Variants in UNC13C observed in about 807,000 individuals in gnomAD.
UNC13C encodes the protein protein unc-13 homolog C.
In UNC13C, 174 loss-of-function variants were observed where a neutral mutation model predicts 245.4. The ratio of observed to expected loss-of-function variants is 0.71; its 90% CI spans 0.63 to 0.80. The LOEUF (loss-of-function observed/expected upper bound fraction) is 0.80. Ranked by LOEUF, UNC13C falls within the 30% of genes least tolerant of loss-of-function variation. UNC13C has a pLI of 0.00. For synonymous variants in UNC13C, 992 were observed against 895.1 expected, an observed-to-expected ratio of 1.11 and a Z score of -1.93; for missense variants, 2,829 against 2,602.9, an observed-to-expected ratio of 1.09 and a Z score of -1.89.
At chr15:54,221,491 A>T (rs1001428591) in intron 4 of UNC13C, among the ~76,000 whole-genome samples, 24 of 151,802 alleles carry the variant, frequency 1.6e-4, no homozygotes, top group African/African-American at 5.8e-4. Flanking sequence ...TATATATATA[A>T]AATACATAAC....
intron 19 of UNC13C, among the ~76,000 whole-genome samples, chr15:54,448,071 T>A (rs1049292975): frequency 6.6e-6 from 1 of 152,200 alleles, no homozygotes; most frequent in Non-Finnish European, 1.5e-5. Context: ...AGTTTCCATG[T>A]AGTTGAGCGG....
At chr15:53,995,709 T>G (rs1235615947) in intron 1 of UNC13C, among the ~76,000 whole-genome samples, 1 of 152,054 alleles carries the variant, frequency 6.6e-6, no homozygotes, top group Non-Finnish European at 1.5e-5. Context: ...GTCGTGGAAG[T>G]AAATAGACTG....
At chr15:53,949,624 A>C in the UNC13C span, among the ~76,000 whole-genome samples, 1 of 152,150 alleles carries the variant, frequency 6.6e-6, no homozygotes, top group East Asian at 1.9e-4. Flanking sequence ...AACTATGAGC[A>C]CACCAGGACT....
At chr15:54,188,921 T>TA (rs1174184237) in intron 4 of UNC13C, among the ~76,000 whole-genome samples, 1 of 152,198 alleles carries the variant, frequency 6.6e-6, no homozygotes, top group East Asian at 1.9e-4. Context: ...CTTCCATTGT[T>TA]ACCGTTTCCA....
intron 13 of UNC13C, among the ~76,000 whole-genome samples, chr15:54,316,445 C>T (rs1596205159): frequency 6.6e-6 from 1 of 151,964 alleles, no homozygotes; most frequent in South Asian, 2.1e-4. Context: ...GACTGTTAGC[C>T]CAGCCTCATC....
chr15:54,378,543 C>A (rs928635542), intron 17 of UNC13C, among the ~76,000 whole-genome samples: 2 of 151,738 alleles, frequency 1.3e-5, no homozygotes, highest in African/African-American at 4.8e-5. Flanking sequence ...AGTATTCCCC[C>A]ATTTTGGTAA....
At chr15:54,321,122 T>C (rs1369635708) in intron 13 of UNC13C, 1 of 515,580 alleles carries the variant, frequency 1.9e-6, no homozygotes, top group African/African-American at 1.9e-5. Context: ...GGTGAGGCAC[T>C]AGCCATCTCT....
intron 2 of UNC13C, among the ~76,000 whole-genome samples, chr15:54,063,505 G>T (rs1211585486): frequency 2.6e-5 from 4 of 151,960 alleles, no homozygotes; most frequent in African/African-American, 9.7e-5. Flanking sequence ...AAGGATAGTG[G>T]TTATTTGATT....
chr15:53,845,547 C>G, the UNC13C span, among the ~76,000 whole-genome samples: 63 of 152,176 alleles, frequency 4.1e-4, no homozygotes, highest in African/African-American at 1.4e-3. Flanking sequence ...TTTCCTTATG[C>G]ATTCAGTGTT....
intron 19 of UNC13C, among the ~76,000 whole-genome samples, chr15:54,433,840 T>C (rs2040923456): frequency 6.6e-6 from 1 of 151,974 alleles, no homozygotes; most frequent in African/African-American, 2.4e-5. Context: ...AAACCGATTG[T>C]CTCAGCCCAA....
At chr15:53,900,956 C>T in the UNC13C span, among the ~76,000 whole-genome samples, 1 of 151,872 alleles carries the variant, frequency 6.6e-6, no homozygotes, top group South Asian at 2.1e-4. Context: ...TGATAAATTA[C>T]CAAAAGATGA....
At chr15:54,425,364 C>G (rs773043153) in intron 19 of UNC13C, among the ~76,000 whole-genome samples, 1 of 151,724 alleles carries the variant, frequency 6.6e-6, no homozygotes, top group Non-Finnish European at 1.5e-5. Context: ...AGGGAGGCAA[C>G]AAGTAGTAAG....
intron 17 of UNC13C, among the ~76,000 whole-genome samples, chr15:54,363,258 G>T (rs546818727): frequency 3.3e-5 from 5 of 152,116 alleles, no homozygotes; most frequent in Admixed American, 6.5e-5. Flanking sequence ...ATAGACACAT[G>T]CCAGCCCACC....
chr15:54,172,703 G>GATAGAT (rs2033449458), intron 4 of UNC13C, among the ~76,000 whole-genome samples: 1 of 78,468 alleles, frequency 1.3e-5, no homozygotes. Context: ...TACACACACA[G>GATAGAT]ATATATATAT....
intron 4 of UNC13C, among the ~76,000 whole-genome samples, chr15:54,183,773 AAC>A (rs1157273400): frequency 3.3e-5 from 5 of 151,866 alleles, no homozygotes; most frequent in Non-Finnish European, 7.4e-5. Context: ...AAAAAAAAAA[AAC>A]ATGGGACCAG....
intron 22 of UNC13C, among the ~76,000 whole-genome samples, chr15:54,505,062 C>T (rs1179454698): frequency 6.6e-6 from 1 of 152,140 alleles, no homozygotes; most frequent in Admixed American, 6.6e-5. Context: ...TTTATTTAAT[C>T]TGGAACTTTT....
At position 54,380,077 on chromosome 15, in the gene UNC13C, A is replaced by G. The variant is rs2039690491; in HGVS notation, c.4714-12971A>G. Among the ~76,000 whole-genome samples the G allele has an allele frequency of 2.0e-5, 3 of 152,172 alleles. No individual in the cohort carries two copies. In the South Asian group the frequency reaches 6.2e-4, roughly 32 times the overall value. The stretch of plus-strand genomic sequence containing the variant: ...AACATGGTGTACAATAGATCTCTTG[A>G]ATTTATTCCTTCTAACTAAAATTTT... On this transcript the variant is annotated intron_variant, in intron 17 of 32. Coordinates refer to ENST00000260323, the MANE Select transcript of UNC13C (RefSeq NM_001080534.3).
At chr15:54,584,342 C>T (rs1339129006) in intron 30 of UNC13C, among the ~76,000 whole-genome samples, 3 of 152,174 alleles carry the variant, frequency 2.0e-5, no homozygotes, top group Non-Finnish European at 2.9e-5. Context: ...AGTTATGCCT[C>T]GTTTCATTTC....
At chr15:54,041,424 G>A (rs1896802636) in intron 2 of UNC13C, among the ~76,000 whole-genome samples, 1 of 152,092 alleles carries the variant, frequency 6.6e-6, no homozygotes, top group Non-Finnish European at 1.5e-5. Context: ...ATGCGTAGAA[G>A]TCAAAATATT....
Sources: gnomAD v4.1 joint callset for allele counts (sites outside exome capture counted in the v4.1 genomes callset) on GRCh38, gnomAD v4.1.1 for gene constraint, MANE v1.5 for transcripts, NCBI Gene and HGNC (gene_info 2026-07-23, HGNC 2026-07-21) for gene names.